The following PTPRN2 variants were observed in gnomAD, a reference collection of about 807,000 sequenced individuals.
PTPRN2 encodes protein tyrosine phosphatase receptor type N2, also known as receptor-type tyrosine-protein phosphatase N2.
Under a neutral mutation model 118.8 loss-of-function variants are expected in PTPRN2, and 74 were observed. The ratio of observed to expected loss-of-function variants is 0.62; its 90% CI spans 0.52 to 0.76. The LOEUF (loss-of-function observed/expected upper bound fraction) is 0.76. PTPRN2 is among the 30% of genes least tolerant of loss of function. The pLI, the probability that PTPRN2 is intolerant of heterozygous loss-of-function variation, is 0.00. For missense variants in PTPRN2, 1,481 were observed against 1,394.4 expected (o/e 1.06, Z -0.99); for synonymous variants, 641 against 608.0 (o/e 1.05, Z -0.80).
chr7:157,643,071 T>C (rs1273674635), intron 14 of PTPRN2, among the ~76,000 whole-genome samples: 4 of 152,074 alleles, frequency 2.6e-5, no homozygotes, highest in African/African-American at 9.7e-5. Flanking sequence ...CTCTTTGGAG[T>C]TGAAAATATC....
intron 1 of PTPRN2, among the ~76,000 whole-genome samples, chr7:158,502,482 G>A (rs545593669): frequency 2.6e-5 from 4 of 152,288 alleles, no homozygotes; most frequent in Non-Finnish European, 5.9e-5. Context: ...ATCTGGACCA[G>A]CCCTGGACAC....
intron 4 of PTPRN2, among the ~76,000 whole-genome samples, chr7:158,194,144 A>AGT (rs967476197): frequency 6.8e-6 from 1 of 145,994 alleles, no homozygotes; most frequent in East Asian, 1.9e-4. Context: ...AGTTTGTGTA[A>AGT]GTGTGTGTGT....
intron 5 of PTPRN2, among the ~76,000 whole-genome samples, chr7:158,174,624 T>G (rs1457486485): frequency 2.0e-5 from 3 of 152,204 alleles, no homozygotes; most frequent in African/African-American, 7.2e-5. Context: ...GAAGGAAGAA[T>G]AACTCAGATG....
chr7:158,262,201 AAC>A (rs1157041109), intron 3 of PTPRN2, among the ~76,000 whole-genome samples: 3 of 152,156 alleles, frequency 2.0e-5, no homozygotes, highest in Non-Finnish European at 2.9e-5. Flanking sequence ...TCCTGATGTA[AAC>A]ACAGACACAA....
At chr7:158,513,707 T>G (rs1823338069) in intron 1 of PTPRN2, among the ~76,000 whole-genome samples, 1 of 152,212 alleles carries the variant, frequency 6.6e-6, no homozygotes, top group Non-Finnish European at 1.5e-5. Context: ...AGAAATAGGT[T>G]TATGCTACAT....
chr7:157,812,816 G>A lies in PTPRN2; in HGVS notation c.1788+85857C>T, dbSNP rs142665467. On this transcript the variant is annotated intron_variant, in intron 12 of 22. Transcript: ENST00000389418. ...TCACAGAAATGGAGGTTGAGTTCCC[G>A]GAGCGGTAGCCCAGGGCTGGTATGT... Among the ~76,000 whole-genome samples, 23 of 152,242 alleles carry A rather than the reference G, an allele frequency of 1.5e-4. 1 individual carries two copies. The highest frequency in any genetic ancestry group is 1.2e-3 in the East Asian group (6 of 5,180).
At chr7:158,067,904 C>T (rs921913092) in intron 11 of PTPRN2, among the ~76,000 whole-genome samples, 2 of 152,156 alleles carry the variant, frequency 1.3e-5, no homozygotes, top group African/African-American at 4.8e-5. Context: ...CAGGCCGGGT[C>T]ATGGTGTGCT....
intron 16 of PTPRN2, among the ~76,000 whole-genome samples, chr7:157,597,304 C>A (rs1009070846): frequency 6.6e-6 from 1 of 152,172 alleles, no homozygotes; most frequent in Non-Finnish European, 1.5e-5. Context: ...ATGTTACCGT[C>A]GCTGAAAGCC....
At chr7:158,524,061 GTCT>G in intron 1 of PTPRN2, among the ~76,000 whole-genome samples, 2 of 99,768 alleles carry the variant, frequency 2.0e-5, no homozygotes, top group Non-Finnish European at 2.0e-5. Flanking sequence ...GAGTGGAGTC[GTCT>G]GCCCTGGAGT....
chr7:157,852,590 G>T (rs1809353435), intron 12 of PTPRN2, among the ~76,000 whole-genome samples: 1 of 152,100 alleles, frequency 6.6e-6, no homozygotes, highest in Non-Finnish European at 1.5e-5. Flanking sequence ...AAATACACTG[G>T]CCGGGTGCGG....
At chr7:158,058,441 C>T (rs1810000767) in intron 11 of PTPRN2, among the ~76,000 whole-genome samples, 1 of 120,738 alleles carries the variant, frequency 8.3e-6, no homozygotes. Context: ...CACGGTGAGA[C>T]ATCACTGCAG....
intron 3 of PTPRN2, among the ~76,000 whole-genome samples, chr7:158,268,094 G>A (rs530847664): frequency 6.6e-5 from 10 of 152,330 alleles, no homozygotes; most frequent in East Asian, 1.9e-4. Context: ...CCTCAGCACC[G>A]TCAACAAGTC....
Position 158,167,228 on chromosome 7 carries a change from G to A in PTPRN2, c.613C>T (p.Pro205Ser). ...CGGAGCTGGGTCCGGGACCCGGGAGGGTAGGTCAGCGCAGACGTGTGGGCC... is the reference window on the plus strand; with the variant it reads ...CGGAGCTGGGTCCGGGACCCGGGAGAGTAGGTCAGCGCAGACGTGTGGGCC... ...YVAHTSALTY[P>S]PGSRTQLRED... Residue 205 changes from proline (P) to serine (S), a missense_variant, in exon 6 of 23, where the codon CCT becomes TCT. By Grantham distance (74) the Pro-to-Ser change is moderately conservative. Transcript: ENST00000389418. The A allele has an allele frequency of 1.2e-6, 2 of 1,613,406 alleles. No individual in the cohort carries two copies. Among genetic ancestry groups the A allele is most frequent in the Non-Finnish European group, 1.7e-6 (2 of 1,179,882 alleles).
intron 9 of PTPRN2, among the ~76,000 whole-genome samples, chr7:158,131,547 A>G (rs1169437186): frequency 2.7e-4 from 39 of 146,876 alleles, no homozygotes; most frequent in African/African-American, 9.7e-4. Flanking sequence ...ACACGGGTAC[A>G]TACAAACTGA....
intron 11 of PTPRN2, among the ~76,000 whole-genome samples, chr7:157,971,705 A>G (rs1802345851): frequency 6.6e-6 from 1 of 152,210 alleles, no homozygotes; most frequent in African/African-American, 2.4e-5. Context: ...GAAAGAAAGA[A>G]AAAAAACCCA....
At chr7:158,018,072 A>C (rs570543496) in intron 11 of PTPRN2, among the ~76,000 whole-genome samples, 5 of 152,136 alleles carry the variant, frequency 3.3e-5, no homozygotes, top group Non-Finnish European at 7.4e-5. Flanking sequence ...AGTGGGTTTG[A>C]AAGTTCCCAG....
intron 1 of PTPRN2, among the ~76,000 whole-genome samples, chr7:158,558,742 A>G (rs932375495): frequency 1.3e-5 from 2 of 148,916 alleles, no homozygotes; most frequent in Non-Finnish European, 3.0e-5. Context: ...CCTTCTGGAT[A>G]CATCAGTGCT....
intron 12 of PTPRN2, chr7:157,864,822 G>C (rs1278785691): frequency 2.0e-5 from 3 of 152,268 alleles, no homozygotes. Context: ...ACCATCGAGG[G>C]AGGCATGTTC....
intron 10 of PTPRN2, among the ~76,000 whole-genome samples, chr7:158,108,963 T>G (rs867928474): frequency 1.3e-5 from 2 of 152,226 alleles, no homozygotes; most frequent in South Asian, 4.1e-4. Flanking sequence ...AAGGAGCCAG[T>G]GAGTGAATGA....
Sources: gnomAD v4.1 joint callset for allele counts (sites outside exome capture counted in the v4.1 genomes callset) on GRCh38, gnomAD v4.1.1 for gene constraint, MANE v1.5 for transcripts, NCBI Gene and HGNC (gene_info 2026-07-23, HGNC 2026-07-21) for gene names.